The following WDR70 variants were observed in gnomAD, a reference collection of about 807,000 sequenced individuals.
WDR70 encodes WD repeat-containing protein 70.
Under a neutral mutation model 88.6 loss-of-function variants are expected in WDR70, and 53 were observed. The observed-to-expected ratio is 0.60, with a 90% CI of 0.48 to 0.75. The LOEUF (loss-of-function observed/expected upper bound fraction) is 0.75, where lower values mean the gene tolerates loss of function less well. WDR70 is among the 30% of genes least tolerant of loss of function. The probability of loss-of-function intolerance (pLI) is 0.00; values close to 1 mark genes in which losing one functional copy is unlikely to be tolerated. For synonymous variants in WDR70, 280 were observed against 270.0 expected (o/e 1.04, Z -0.36); for missense variants, 610 against 823.2 (o/e 0.74, Z 3.17).
intron 9 of WDR70, among the ~76,000 whole-genome samples, chr5:37,562,899 TC>T (rs1302185724): frequency 6.6e-6 from 1 of 150,780 alleles, no homozygotes; most frequent in Non-Finnish European, 1.5e-5. Context: ...TCCCCACCTT[TC>T]CCCCCTTTCT....
intron 8 of WDR70, chr5:37,506,168 A>T: frequency 9.5e-7 from 1 of 1,050,550 alleles, no homozygotes; most frequent in South Asian, 1.3e-5. Context: ...CCTAACGAGA[A>T]ACATCAGCAC....
At chr5:37,515,501 C>G (rs2112254787) in intron 8 of WDR70, among the ~76,000 whole-genome samples, 2 of 152,350 alleles carry the variant, frequency 1.3e-5, no homozygotes, top group South Asian at 4.1e-4. Context: ...ATGCCTCCCA[C>G]ATGGCTAAGA....
chr5:37,638,615 T>C (rs531180815), intron 10 of WDR70, among the ~76,000 whole-genome samples: 1 of 152,356 alleles, frequency 6.6e-6, no homozygotes, highest in South Asian at 2.1e-4. Context: ...GATGTTAATA[T>C]GTTAAGTTCT....
At chr5:37,487,719 G>A (rs1227333460) in intron 8 of WDR70, among the ~76,000 whole-genome samples, 8 of 149,270 alleles carry the variant, frequency 5.4e-5, no homozygotes, top group Non-Finnish European at 8.9e-5. Context: ...TCCTCCTCCC[G>A]GGTACAAGTG....
Position 37,379,331 on chromosome 5 carries a change from C to G in WDR70, c.-37C>G. On this transcript the variant is annotated 5_prime_UTR_variant, in exon 1 of 18. Coordinates refer to ENST00000265107, the MANE Select transcript of WDR70 (RefSeq NM_018034.4). ...GCAAGTTCCCCTGCAGTTGTTTGGG[C>G]TGTCCCTGTGGCTGGTTCTGGGGTG... 3 of 1,613,098 alleles carry G rather than the reference C, an allele frequency of 1.9e-6. No homozygotes were observed.
chr5:37,546,693 C>T (rs10044091), intron 9 of WDR70, among the ~76,000 whole-genome samples: 5,283 of 151,988 alleles, frequency 0.035, 318 homozygotes, highest in African/African-American at 0.12. Flanking sequence ...CTGAGGCGGG[C>T]GGAGCACCTC....
intron 10 of WDR70, among the ~76,000 whole-genome samples, chr5:37,691,965 T>C (rs866204225): frequency 6.6e-6 from 1 of 151,880 alleles, no homozygotes; most frequent in African/African-American, 2.4e-5. Flanking sequence ...CTAGCAAGAC[T>C]AACAAAGAAG....
At chr5:37,451,482 C>T (rs1581292275) in intron 7 of WDR70, among the ~76,000 whole-genome samples, 5 of 152,140 alleles carry the variant, frequency 3.3e-5, no homozygotes, top group Admixed American at 2.6e-4. Flanking sequence ...TTCTTAAAAT[C>T]GAATTTTAAT....
At chr5:37,603,243 G>A (rs1391246910) in intron 9 of WDR70, among the ~76,000 whole-genome samples, 1 of 151,986 alleles carries the variant, frequency 6.6e-6, no homozygotes, top group African/African-American at 2.4e-5. Flanking sequence ...CACACTCCCT[G>A]ATTTCAAAAT....
chr5:37,688,229 C>G (rs1332679404), intron 10 of WDR70, among the ~76,000 whole-genome samples: 1 of 152,132 alleles, frequency 6.6e-6, no homozygotes, highest in Non-Finnish European at 1.5e-5. Context: ...ACTTCAATCT[C>G]TTTATTTTAC....
chr5:37,654,707 T>G (rs1230568773), intron 10 of WDR70, among the ~76,000 whole-genome samples: 2 of 152,242 alleles, frequency 1.3e-5, no homozygotes, highest in African/African-American at 4.8e-5. Context: ...TGTAATGGCC[T>G]TCTTTGTCTC....
intron 14 of WDR70, chr5:37,721,496 T>G: frequency 2.2e-6 from 1 of 455,310 alleles, no homozygotes; most frequent in South Asian, 2.7e-5. Context: ...TCTGCCCACT[T>G]TGCATACCAC....
intron 8 of WDR70, among the ~76,000 whole-genome samples, chr5:37,507,563 C>A (rs1347089905): frequency 6.6e-6 from 1 of 152,176 alleles, no homozygotes; most frequent in Non-Finnish European, 1.5e-5. Context: ...TCTACTTCCA[C>A]AAGATCACCC....
chr5:37,526,221 G>A (rs1012414530), intron 9 of WDR70, among the ~76,000 whole-genome samples: 1 of 152,158 alleles, frequency 6.6e-6, no homozygotes, highest in Admixed American at 6.5e-5. Context: ...GAACATCAAT[G>A]CAAAAATCCT....
At chr5:37,451,827 C>A (rs2112080867) in intron 7 of WDR70, among the ~76,000 whole-genome samples, 1 of 152,200 alleles carries the variant, frequency 6.6e-6, no homozygotes, top group Middle Eastern at 3.4e-3. Context: ...AACCCCATCT[C>A]TACTAAAAAT....
intron 7 of WDR70, among the ~76,000 whole-genome samples, chr5:37,471,577 G>T (rs1432567726): frequency 6.6e-6 from 1 of 151,592 alleles, no homozygotes; most frequent in East Asian, 1.9e-4. Flanking sequence ...GTCACTGTTT[G>T]TGATGTCTTT....
intron 10 of WDR70, among the ~76,000 whole-genome samples, chr5:37,628,511 G>A (rs553775622): frequency 6.6e-6 from 1 of 152,030 alleles, no homozygotes; most frequent in Non-Finnish European, 1.5e-5. Flanking sequence ...AGTCTATTTT[G>A]TCTGACATAA....
chr5:37,565,134 T>C (rs571313361), intron 9 of WDR70, among the ~76,000 whole-genome samples: 11 of 152,250 alleles, frequency 7.2e-5, no homozygotes, highest in Non-Finnish European at 1.3e-4. Context: ...AGTGTTTCAA[T>C]AGTGGCAAAT....
chr5:37,392,176 A>ATTT, intron 4 of WDR70, 56 bp downstream of exon 4: 1 of 1,361,134 alleles, frequency 7.3e-7, no homozygotes, highest in Non-Finnish European at 9.9e-7. Flanking sequence ...GTGTTTATAG[A>ATTT]GTTTTTTTTT....
Sources: allele counts gnomAD v4.1 joint callset (sites outside exome capture counted in the v4.1 genomes callset), GRCh38; gene constraint gnomAD v4.1.1; transcripts MANE v1.5; gene names NCBI Gene and HGNC (gene_info 2026-07-23, HGNC 2026-07-21).